The following SETBP1 variants were observed in gnomAD, a reference collection of about 807,000 sequenced individuals.
SETBP1 encodes SET binding protein 1.
In SETBP1, 9 loss-of-function variants were observed where a neutral mutation model predicts 101.0. That is an observed-to-expected ratio of 0.09 (90% CI 0.05 to 0.16). The LOEUF is 0.16. SETBP1 is among the 10% of genes least tolerant of loss of function. The pLI is 1.00. For synonymous variants in SETBP1, 818 were observed against 788.5 expected (o/e 1.04, Z -0.63); for missense variants, 1,858 against 2,033.8 (o/e 0.91, Z 1.66).
At chr18:44,849,555 G>A (rs1316367933) in intron 2 of SETBP1, among the ~76,000 whole-genome samples, 2 of 152,184 alleles carry the variant, frequency 1.3e-5, no homozygotes, top group African/African-American at 4.8e-5. Flanking sequence ...TGGGTGCGGG[G>A]TGTGTCAGCC....
At chr18:44,855,432 G>A (rs1042159731) in intron 2 of SETBP1, among the ~76,000 whole-genome samples, 22 of 152,154 alleles carry the variant, frequency 1.4e-4, no homozygotes, top group African/African-American at 5.1e-4. Flanking sequence ...ACCTGGATTG[G>A]CACTGAGGAC....
In SETBP1 at chr18:44,989,904, AAAAT is replaced by A. The variant is rs756872345; in HGVS notation, c.4000+36565_4000+36568del. ...AAAAAAAAAAAAAAAAAAAAAAAAAAAAATTTATCTAAGTGGACACACTGTAATC... is the reference window on the plus strand; with the variant it reads ...AAAAAAAAAAAAAAAAAAAAAAAAAATTATCTAAGTGGACACACTGTAATC... On this transcript the variant is annotated intron_variant, in intron 4 of 5. Transcript: ENST00000649279. Among the ~76,000 whole-genome samples the A allele has an allele frequency of 3.8e-3, 355 of 92,776 alleles. 98 individuals are homozygous for A. Among genetic ancestry groups the A allele is most frequent in the Middle Eastern group, 9.3e-3 (2 of 216 alleles). 60.9% of individuals were successfully genotyped at this position (92,776 alleles called of 152,430 possible). A position where few individuals can be genotyped will look rare whatever the true frequency, so the allele number is the denominator to read the frequency against.
chr18:44,743,550 C>CT (rs1330150596), intron 2 of SETBP1, among the ~76,000 whole-genome samples: 4 of 152,206 alleles, frequency 2.6e-5, no homozygotes, highest in Non-Finnish European at 5.9e-5. Context: ...GGAGAAGGGT[C>CT]TGCCAGGGGC....
chr18:44,886,827 A>G (rs1190008379), intron 3 of SETBP1, among the ~76,000 whole-genome samples: 1 of 151,062 alleles, frequency 6.6e-6, no homozygotes, highest in Non-Finnish European at 1.5e-5. Context: ...ATTTGATACC[A>G]CACAAAGATA....
chr18:45,059,485 G>A (rs949356677), intron 5 of SETBP1, among the ~76,000 whole-genome samples: 2 of 152,110 alleles, frequency 1.3e-5, no homozygotes, highest in Non-Finnish European at 2.9e-5. Flanking sequence ...TTGATGCACA[G>A]TTTCATCTTC....
intron 2 of SETBP1, among the ~76,000 whole-genome samples, chr18:44,809,024 T>C (rs537086842): frequency 6.6e-6 from 1 of 152,332 alleles, no homozygotes; most frequent in East Asian, 1.9e-4. Context: ...TTGGCCTGGG[T>C]GCCTTTTCTT....
chr18:45,037,411 T>A (rs1205905198), intron 4 of SETBP1, among the ~76,000 whole-genome samples: 2 of 152,054 alleles, frequency 1.3e-5, no homozygotes, highest in Non-Finnish European at 2.9e-5. Flanking sequence ...ATAGTCGCAA[T>A]AATAGGGATA....
chr18:44,970,208 C>T (rs1279279503), intron 4 of SETBP1: 1 of 154,594 alleles, frequency 6.5e-6, no homozygotes, highest in Non-Finnish European at 1.5e-5. Flanking sequence ...TGAGTTATCA[C>T]CGAAAGGAAA....
intron 2 of SETBP1, among the ~76,000 whole-genome samples, chr18:44,824,773 G>A (rs370524306): frequency 2.4e-4 from 37 of 152,312 alleles, no homozygotes; most frequent in Middle Eastern, 3.4e-3. Context: ...GGAAAATGGA[G>A]GGCAGAAGAA....
chr18:44,760,896 T>A (rs575609059), intron 2 of SETBP1, among the ~76,000 whole-genome samples: 88 of 152,230 alleles, frequency 5.8e-4, no homozygotes, highest in Non-Finnish European at 6.8e-4. Flanking sequence ...ATTTAAGTTA[T>A]GTTTATGATA....
intron 3 of SETBP1, among the ~76,000 whole-genome samples, chr18:44,929,028 T>G (rs2070765922): frequency 6.6e-6 from 1 of 152,236 alleles, no homozygotes; most frequent in African/African-American, 2.4e-5. Context: ...TGAATAGTAT[T>G]GCCTAGGTTT....
chr18:45,024,210 C>T (rs910713105), intron 4 of SETBP1, among the ~76,000 whole-genome samples: 1 of 152,096 alleles, frequency 6.6e-6, no homozygotes, highest in African/African-American at 2.4e-5. Flanking sequence ...AGAGTAAGGA[C>T]TTCTGTAATA....
At chr18:44,708,617 A>T (rs1282678702) in intron 2 of SETBP1, among the ~76,000 whole-genome samples, 1 of 152,164 alleles carries the variant, frequency 6.6e-6, no homozygotes, top group African/African-American at 2.4e-5. Context: ...TGAAAGTGTG[A>T]GGGAAAGAAC....
At chr18:44,904,900 C>T (rs2070137353) in intron 3 of SETBP1, among the ~76,000 whole-genome samples, 1 of 152,164 alleles carries the variant, frequency 6.6e-6, no homozygotes, top group South Asian at 2.1e-4. Flanking sequence ...ATCTCTTCTG[C>T]TCACATGCCA....
intron 4 of SETBP1, among the ~76,000 whole-genome samples, chr18:44,981,679 G>A (rs2072116470): frequency 6.6e-6 from 1 of 152,198 alleles, no homozygotes. Context: ...TTTTACATCA[G>A]AACCACTCAG....
intron 3 of SETBP1, among the ~76,000 whole-genome samples, chr18:44,949,535 A>G (rs2071285894): frequency 6.6e-6 from 1 of 152,198 alleles, no homozygotes; most frequent in South Asian, 2.1e-4. Context: ...AATAGCATGT[A>G]AAAATGTAAA....
intron 2 of SETBP1, among the ~76,000 whole-genome samples, chr18:44,786,831 T>G (rs1373367256): frequency 6.6e-6 from 1 of 152,224 alleles, no homozygotes; most frequent in Non-Finnish European, 1.5e-5. Context: ...GTATTGACTT[T>G]CACTTGATTT....
intron 5 of SETBP1, among the ~76,000 whole-genome samples, chr18:45,059,022 C>T (rs952130772): frequency 2.0e-5 from 3 of 152,160 alleles, no homozygotes; most frequent in Non-Finnish European, 2.9e-5. Context: ...AGAGCACTGT[C>T]CAGCCCTAAG....
intron 4 of SETBP1, among the ~76,000 whole-genome samples, chr18:45,006,727 A>G (rs973963746): frequency 6.6e-6 from 1 of 152,224 alleles, no homozygotes; most frequent in Non-Finnish European, 1.5e-5. Context: ...TGATTACTCT[A>G]TAAAGACTTT....
Sources: gnomAD v4.1 joint callset for allele counts (sites outside exome capture counted in the v4.1 genomes callset) on GRCh38, gnomAD v4.1.1 for gene constraint, MANE v1.5 for transcripts, NCBI Gene and HGNC (gene_info 2026-07-23, HGNC 2026-07-21) for gene names.